TRAF3IP2: variants seen among roughly 807,000 people sequenced by gnomAD.
TRAF3IP2 encodes the protein E3 ubiquitin ligase TRAF3IP2.
In TRAF3IP2, 35 loss-of-function variants were observed where a neutral mutation model predicts 57.9. That is an observed-to-expected ratio of 0.60 (90% CI 0.46 to 0.80). The LOEUF (loss-of-function observed/expected upper bound fraction) is 0.80. TRAF3IP2 is among the 30% of genes least tolerant of loss of function. The probability of loss-of-function intolerance (pLI) is 0.00; values close to 1 mark genes in which losing one functional copy is unlikely to be tolerated. For synonymous variants in TRAF3IP2, 251 were observed against 268.9 expected, an observed-to-expected ratio of 0.93 and a Z score of 0.65; for missense variants, 556 against 706.4, an observed-to-expected ratio of 0.79 and a Z score of 2.41.
intron 8 of TRAF3IP2, 65 bp downstream of exon 8, chr6:111,562,900 A>T: frequency 7.9e-7 from 1 of 1,262,956 alleles, no homozygotes; most frequent in Non-Finnish European, 1.1e-6. Flanking sequence ...TTTCCATTTA[A>T]AATCCCAGAT....
At chr6:111,560,650 A>AG in intron 8 of TRAF3IP2, among the ~76,000 whole-genome samples, 1 of 152,332 alleles carries the variant, frequency 6.6e-6, no homozygotes, top group Non-Finnish European at 1.5e-5. Context: ...TGGTGTACCA[A>AG]GGGGACAGGT....
chr6:111,596,535 C>A (rs1163287134), intron 1 of TRAF3IP2, among the ~76,000 whole-genome samples: 3 of 152,228 alleles, frequency 2.0e-5, no homozygotes, highest in Non-Finnish European at 4.4e-5. Flanking sequence ...CTCACTGCAA[C>A]CTCTGCCTCC....
rs1056989002 is a variant in TRAF3IP2 at position 111,555,848 on chromosome 6, A to G, written c.*3557T>C. On this transcript the variant is annotated 3_prime_UTR_variant, in exon 9 of 9. Coordinates refer to ENST00000368761, the MANE Select transcript of TRAF3IP2 (RefSeq NM_147686.4). ...GCCGGGCGTGGTGGCTCATGCCTGT[A>G]ATCCCAGCAATTTGGGAGGCCGAGG... Among the ~76,000 whole-genome samples the G allele has an allele frequency of 6.6e-6, 1 of 152,222 alleles. No individual in the cohort carries two copies. The highest frequency in any genetic ancestry group is 2.1e-4 in the South Asian group (1 of 4,830).
At chr6:111,560,971 C>G (rs545561397) in intron 8 of TRAF3IP2, among the ~76,000 whole-genome samples, 31 of 152,276 alleles carry the variant, frequency 2.0e-4, no homozygotes, top group Admixed American at 4.6e-4. Flanking sequence ...TACCTGAGGT[C>G]AGGAGTTCAA....
intron 1 of TRAF3IP2, chr6:111,601,795 C>T (rs1304907517): frequency 6.6e-6 from 1 of 152,068 alleles, no homozygotes; most frequent in Non-Finnish European, 1.5e-5. Context: ...TACAAGATTC[C>T]CAAGGCCTTA....
intron 2 of TRAF3IP2, among the ~76,000 whole-genome samples, chr6:111,583,426 G>A (rs935770324): frequency 6.6e-6 from 1 of 152,212 alleles, no homozygotes; most frequent in African/African-American, 2.4e-5. Context: ...AGCTCTGTCT[G>A]TATTTACAAC....
chr6:111,587,851 G>T (rs1056433756), intron 2 of TRAF3IP2, among the ~76,000 whole-genome samples: 1 of 152,092 alleles, frequency 6.6e-6, no homozygotes, highest in South Asian at 2.1e-4. Context: ...TTATTGATAG[G>T]CATTGTAATT....
intron 6 of TRAF3IP2, chr6:111,567,214 A>G: frequency 7.0e-6 from 7 of 1,003,120 alleles, no homozygotes; most frequent in Non-Finnish European, 8.3e-6. Flanking sequence ...GCACGTGGGC[A>G]CCTCGGGGGT....
At chr6:111,604,825 T>C (rs926422852) in intron 1 of TRAF3IP2, among the ~76,000 whole-genome samples, 24 of 152,272 alleles carry the variant, frequency 1.6e-4, no homozygotes, top group African/African-American at 5.5e-4. Context: ...AAAATTAAAA[T>C]ATGTGAATAA....
At chr6:111,596,752 C>T (rs1293198928) in intron 1 of TRAF3IP2, among the ~76,000 whole-genome samples, 2 of 152,160 alleles carry the variant, frequency 1.3e-5, no homozygotes, top group Non-Finnish European at 2.9e-5. Context: ...CTGCGCCAGT[C>T]GGTGTGCCTG....
chr6:111,572,959 A>G lies in TRAF3IP2; in HGVS notation c.1226T>C (p.Met409Thr), dbSNP rs1180625351. ...TTTCACCACCTCCATAGCTGTGTCC[A>G]TCGAATAAGTGATAAAGACTTTCCC... ...ELRKVFITYS[M>T]DTAMEVVKFV... Residue 409 changes from methionine to threonine, a missense_variant, in exon 5 of 9, where the codon ATG becomes ACG. Transcript: ENST00000368761. 1.2e-6 allele frequency: 2 copies of G among 1,614,030 alleles called. No individual in the cohort carries two copies. The highest frequency in any genetic ancestry group is 1.3e-5 in the African/African-American group (1 of 75,070).
chr6:111,569,447 G>A (rs1212156727), intron 5 of TRAF3IP2, among the ~76,000 whole-genome samples: 2 of 152,154 alleles, frequency 1.3e-5, no homozygotes, highest in Non-Finnish European at 2.9e-5. Flanking sequence ...CAGGAAATAA[G>A]CACTCAGTAA....
rs1795877576 is a variant in TRAF3IP2 at position 111,573,002 on chromosome 6, A to G, written c.1202-19T>C. 1 of 1,560,304 alleles carries G rather than the reference A, an allele frequency of 6.4e-7. No individual in the cohort carries two copies. The highest frequency in any genetic ancestry group is 1.7e-4 in the Middle Eastern group (1 of 5,912). ...ACTTTCCCTAAGAGAAAATTTTTAC[A>G]TTTATTAGAAACTGATCAAATTATT... On this transcript the variant is annotated intron_variant, in intron 4 of 8. Transcript: ENST00000368761.
chr6:111,566,810 A>G (rs1300791448), intron 6 of TRAF3IP2, among the ~76,000 whole-genome samples: 2 of 152,016 alleles, frequency 1.3e-5, no homozygotes, highest in Non-Finnish European at 2.9e-5. Flanking sequence ...ATTTTCCACA[A>G]CCATCACTAA....
At position 111,559,409 on chromosome 6, in the gene TRAF3IP2, A is replaced by AAGGG. The variant is rs755328202; in HGVS notation, c.1690_1693dup (p.Leu565SerfsTer71). On this transcript the variant is annotated frameshift_variant, in exon 9 of 9. Transcript: ENST00000368761. LOFTEE classifies it high-confidence loss of function. Reference sequence around the variant, plus strand: ...GTGATCTGGGGATGAACGGTGTCACAAGGGAACCACCTGAAGGGTGGGCAG... The same window carrying AAGGG: ...GTGATCTGGGGATGAACGGTGTCACAAGGGAGGGAACCACCTGAAGGGTGGGCAG... 6.2e-7 allele frequency: 1 copy of AAGGG among 1,613,312 alleles called. No homozygotes were observed. Among genetic ancestry groups the AAGGG allele is most frequent in the South Asian group, 1.1e-5 (1 of 91,010 alleles).
rs749325419 is a variant in TRAF3IP2 at position 111,591,262 on chromosome 6, C to A, written c.825G>T (p.Val275=). 1.3e-6 allele frequency: 2 copies of A among 1,486,668 alleles called. No individual in the cohort carries two copies. The highest frequency in any genetic ancestry group is 2.3e-5 in the Admixed American group (1 of 43,120). 92.1% of individuals were successfully genotyped at this position (1,486,668 alleles called of 1,614,324 possible). Residue 275 remains valine (V), a synonymous_variant, in exon 2 of 9, where the codon GTG becomes GTT. Transcript: ENST00000368761. The surrounding 1 kb of genome is among the most constrained non-coding windows in gnomAD (Gnocchi z 4.9). ...GAGGAGGTAAAGATCACTTACATGGCACCTGGTGATCGGGACTTCCAGGAC... is the reference window on the plus strand; with the variant it reads ...GAGGAGGTAAAGATCACTTACATGGAACCTGGTGATCGGGACTTCCAGGAC... ...YHCPGSPDHQ[V]PYGHDYPRAA...
intron 3 of TRAF3IP2, chr6:111,576,482 G>A (rs1167672020): frequency 6.6e-6 from 1 of 152,332 alleles, no homozygotes; most frequent in African/African-American, 2.4e-5. Flanking sequence ...TAAGCACAGT[G>A]ATGAGGTGCT....
intron 8 of TRAF3IP2, among the ~76,000 whole-genome samples, chr6:111,560,756 G>A (rs1192721536): frequency 6.6e-6 from 1 of 152,182 alleles, no homozygotes; most frequent in Admixed American, 6.5e-5. Flanking sequence ...GGTCTATTTT[G>A]TATATCGCCA....
chr6:111,584,259 G>T (rs1473795469), intron 2 of TRAF3IP2, among the ~76,000 whole-genome samples: 2 of 152,174 alleles, frequency 1.3e-5, no homozygotes, highest in African/African-American at 2.4e-5. Context: ...CTAAGTGTTT[G>T]ATTAGCTGTA....
Sources: gnomAD v4.1 joint callset for allele counts (sites outside exome capture counted in the v4.1 genomes callset) on GRCh38, gnomAD v4.1.1 for gene constraint, Gnocchi (gnomAD v3.1) non-coding constraint, MANE v1.5 for transcripts, NCBI Gene and HGNC (gene_info 2026-07-23, HGNC 2026-07-21) for gene names.